Variants in HS6ST3 observed in about 807,000 individuals in gnomAD.
HS6ST3 encodes heparan-sulfate 6-O-sulfotransferase 3.
HS6ST3 carries 12 observed loss-of-function variants against 36.7 expected under a neutral mutation model. That is an observed-to-expected ratio of 0.33 (90% CI 0.21 to 0.53). The LOEUF (loss-of-function observed/expected upper bound fraction) is 0.53. Ranked by LOEUF, HS6ST3 falls within the 20% of genes least tolerant of loss-of-function variation. The probability of loss-of-function intolerance (pLI) is 0.95; values close to 1 mark genes in which losing one functional copy is unlikely to be tolerated. For synonymous variants in HS6ST3, 240 were observed against 257.5 expected (o/e 0.93, Z 0.65); for missense variants, 584 against 640.9 (o/e 0.91, Z 0.96).
At chr13:96,221,413 T>C (rs568462111) in intron 1 of HS6ST3, among the ~76,000 whole-genome samples, 1 of 152,346 alleles carries the variant, frequency 6.6e-6, no homozygotes, top group South Asian at 2.1e-4. Context: ...CTAGGGATTC[T>C]GATTGTCTTA....
chr13:96,202,868 G>T (rs1204392204), intron 1 of HS6ST3, among the ~76,000 whole-genome samples: 1 of 152,194 alleles, frequency 6.6e-6, no homozygotes, highest in Admixed American at 6.5e-5. Context: ...TTGCAGCTCT[G>T]ACTTTTTCAG....
intron 1 of HS6ST3, among the ~76,000 whole-genome samples, chr13:96,334,733 G>A (rs998287634): frequency 7.2e-5 from 11 of 151,978 alleles, no homozygotes; most frequent in Non-Finnish European, 1.0e-4. Context: ...GGGGGAAACC[G>A]CCCCCATGAT....
intron 1 of HS6ST3, among the ~76,000 whole-genome samples, chr13:96,131,807 T>A (rs1033649338): frequency 2.6e-5 from 4 of 151,618 alleles, no homozygotes; most frequent in African/African-American, 9.7e-5. Context: ...AGATAGATAA[T>A]GGCGTGGAGA....
chr13:96,801,114 C>T (rs1878056973), intron 1 of HS6ST3, among the ~76,000 whole-genome samples: 1 of 152,132 alleles, frequency 6.6e-6, no homozygotes, highest in Admixed American at 6.6e-5. Flanking sequence ...CCTCCATCCT[C>T]CATGAATGCT....
At chr13:96,603,058 A>G (rs1455558345) in intron 1 of HS6ST3, among the ~76,000 whole-genome samples, 1 of 152,078 alleles carries the variant, frequency 6.6e-6, no homozygotes, top group African/African-American at 2.4e-5. Context: ...ATAATTATTA[A>G]TGTTGTTGTT....
chr13:96,706,171 G>A (rs997243526), intron 1 of HS6ST3, among the ~76,000 whole-genome samples: 1 of 151,724 alleles, frequency 6.6e-6, no homozygotes, highest in African/African-American at 2.4e-5. Context: ...TGTCCCCAAA[G>A]AGCAGAAAGG....
intron 1 of HS6ST3, among the ~76,000 whole-genome samples, chr13:96,738,357 C>T (rs770882069): frequency 6.6e-6 from 1 of 151,586 alleles, no homozygotes; most frequent in Non-Finnish European, 1.5e-5. Context: ...ACTGCAGTAA[C>T]ATCAAAGAAT....
At chr13:96,261,281 A>AAT (rs912359673) in intron 1 of HS6ST3, among the ~76,000 whole-genome samples, 5 of 150,080 alleles carry the variant, frequency 3.3e-5, no homozygotes, top group South Asian at 2.1e-4. Flanking sequence ...TATCCCTAAA[A>AAT]ATATATATAT....
chr13:96,142,841 C>T (rs147546017), intron 1 of HS6ST3, among the ~76,000 whole-genome samples: 3,060 of 151,974 alleles, frequency 0.02, 90 homozygotes, highest in African/African-American at 0.068. Flanking sequence ...TAAAGTGAAC[C>T]CATTTTCAGG....
At chr13:96,662,607 T>G (rs1024541675) in intron 1 of HS6ST3, among the ~76,000 whole-genome samples, 1 of 152,078 alleles carries the variant, frequency 6.6e-6, no homozygotes, top group African/African-American at 2.4e-5. Context: ...TTTTGAATTT[T>G]TAATTTGTCA....
intron 1 of HS6ST3, among the ~76,000 whole-genome samples, chr13:96,092,067 T>C (rs1198012702): frequency 6.6e-6 from 1 of 152,202 alleles, no homozygotes; most frequent in African/African-American, 2.4e-5. Flanking sequence ...GGCTTTTGGA[T>C]GGCAGCTCAG....
chr13:96,258,519 G>C (rs1425982272), intron 1 of HS6ST3, among the ~76,000 whole-genome samples: 1 of 152,208 alleles, frequency 6.6e-6, no homozygotes, highest in African/African-American at 2.4e-5. Context: ...AACTCTCTGA[G>C]CTTGTCTATG....
chr13:96,357,446 G>A (rs2151084), intron 1 of HS6ST3, among the ~76,000 whole-genome samples: 137,845 of 152,240 alleles, frequency 0.91, 62,718 homozygotes, highest in African/African-American at 0.97. Context: ...TTGTAGGGTT[G>A]TTAATTGGCC....
In HS6ST3 at chr13:96,134,306, T is replaced by A. The variant is rs142057793; in HGVS notation, c.707+42737T>A. Among the ~76,000 whole-genome samples, 22 of 152,232 alleles carry A rather than the reference T, an allele frequency of 1.4e-4. No individual in the cohort carries two copies. The East Asian group carries it at 3.7e-3, about 25-fold the overall frequency. On this transcript the variant is annotated intron_variant, in intron 1 of 1. Coordinates refer to ENST00000376705, the MANE Select transcript of HS6ST3 (RefSeq NM_153456.4). ...CAGCTTATGGCTTTATGTATTTTAA[T>A]ATCTTTTTCTAATACTTTTAATACT...
chr13:96,194,663 T>TAACTAATA (rs1414266654), intron 1 of HS6ST3, among the ~76,000 whole-genome samples: 1 of 152,100 alleles, frequency 6.6e-6, no homozygotes. Flanking sequence ...TACTACTAAT[T>TAACTAATA]ATAGTTACCA....
At chr13:96,258,159 C>G (rs2054646570) in intron 1 of HS6ST3, among the ~76,000 whole-genome samples, 1 of 151,946 alleles carries the variant, frequency 6.6e-6, no homozygotes, top group Non-Finnish European at 1.5e-5. Flanking sequence ...TGGATGAGAC[C>G]GAAGTGGATT....
chr13:96,354,671 A>C (rs2139432642), intron 1 of HS6ST3, among the ~76,000 whole-genome samples: 1 of 152,322 alleles, frequency 6.6e-6, no homozygotes, highest in East Asian at 1.9e-4. Flanking sequence ...ACAACAATGT[A>C]AATTGCATAG....
chr13:96,730,234 C>G (rs191537439), intron 1 of HS6ST3, among the ~76,000 whole-genome samples: 2 of 152,260 alleles, frequency 1.3e-5, no homozygotes, highest in East Asian at 3.9e-4. Flanking sequence ...TCCCATGGCT[C>G]CCTTCTGGTC....
intron 1 of HS6ST3, among the ~76,000 whole-genome samples, chr13:96,251,865 T>C (rs1388428649): frequency 1.3e-5 from 2 of 152,332 alleles, no homozygotes; most frequent in East Asian, 3.9e-4. Flanking sequence ...TTGTGAATTA[T>C]CCAATTTTCC....
Sources: gnomAD v4.1 joint callset for allele counts (sites outside exome capture counted in the v4.1 genomes callset) on GRCh38, gnomAD v4.1.1 for gene constraint, MANE v1.5 for transcripts, NCBI Gene and HGNC (gene_info 2026-07-23, HGNC 2026-07-21) for gene names.